PHKA1: variants seen among roughly 807,000 people sequenced by gnomAD.
PHKA1 encodes phosphorylase kinase regulatory subunit alpha 1, also known as phosphorylase b kinase regulatory subunit alpha, skeletal muscle isoform.
PHKA1 carries 60 observed loss-of-function variants against 110.2 expected under a neutral mutation model. The ratio of observed to expected loss-of-function variants is 0.54; its 90% confidence interval spans 0.44 to 0.68. The LOEUF (loss-of-function observed/expected upper bound fraction) is 0.68. PHKA1 is among the 30% of genes least tolerant of loss of function. The pLI, the probability that PHKA1 is intolerant of heterozygous loss-of-function variation, is 0.00. For synonymous variants in PHKA1, 316 were observed against 333.6 expected (o/e 0.95, Z 0.58); for missense variants, 801 against 942.5 (o/e 0.85, Z 1.97).
chrX:72,621,594 C>A lies in PHKA1; in HGVS notation c.1961-693G>T, dbSNP rs139712430. ...AGTTAGAAAAACACACTATTCAGAT[C>A]GATACCAAAGTCTGCTGTATCAGTC... On this transcript the variant is annotated intron_variant, in intron 18 of 31. Coordinates refer to ENST00000373542, the MANE Select transcript of PHKA1 (RefSeq NM_002637.4). Among the ~76,000 whole-genome samples the A allele has an allele frequency of 7.2e-3, 809 of 111,989 alleles. 8 individuals carry two copies. The highest frequency in any genetic ancestry group is 0.025 in the African/African-American group (763 of 30,813).
intron 6 of PHKA1, among the ~76,000 whole-genome samples, chrX:72,675,289 C>T (rs2053765925): frequency 9.1e-6 from 1 of 109,524 alleles, no homozygotes; most frequent in South Asian, 3.9e-4. Flanking sequence ...TCCCTTTGTC[C>T]TCTCTGTTCC....
chrX:72,682,738 A>G (rs1351567140), intron 5 of PHKA1, among the ~76,000 whole-genome samples: 3 of 84,980 alleles, frequency 3.5e-5, no homozygotes, highest in African/African-American at 1.3e-4. Context: ...ATGCTCGTTA[A>G]GAGTCATCAC....
At position 72,713,700 on chromosome X, in the gene PHKA1, A is replaced by ACACC. The variant is rs1227758107; in HGVS notation, c.78+102_78+103insGGTG. The ACACC allele has an allele frequency of 1.2e-3, 734 of 619,072 alleles. 2 individuals are homozygous for ACACC. The highest frequency in any genetic ancestry group is 7.3e-3 in the Middle Eastern group (24 of 3,301). 51.0% of individuals were successfully genotyped at this position (619,072 alleles called of 1,213,427 possible). A position where few individuals can be genotyped will look rare whatever the true frequency, so the allele number is the denominator to read the frequency against. On this transcript the variant is annotated intron_variant, in intron 1 of 31. Transcript: ENST00000373542. ...CACACACACACACACACACACACACACCCACACACGCACGCACGCACGGAG... is the reference window on the plus strand; with the variant it reads ...CACACACACACACACACACACACACACACCCCCACACACGCACGCACGCACGGAG...
chrX:72,655,933 T>C (rs782432369), intron 10 of PHKA1, among the ~76,000 whole-genome samples, 187 bp downstream of exon 10: 16 of 112,624 alleles, frequency 1.4e-4, no homozygotes, highest in Non-Finnish European at 2.1e-4. Flanking sequence ...ACCAAAATTT[T>C]TTTAAAAAGA....
chrX:72,676,184 T>A, intron 5 of PHKA1, 34 bp from the exon 6 acceptor site: 1 of 1,046,477 alleles, frequency 9.6e-7, no homozygotes, highest in East Asian at 3.0e-5. Flanking sequence ...AATTAGCAAG[T>A]CATAACTACT....
chrX:72,592,824 T>A (rs192812741), intron 29 of PHKA1, among the ~76,000 whole-genome samples: 79 of 112,476 alleles, frequency 7.0e-4, no homozygotes, highest in African/African-American at 2.3e-3. Context: ...AGCAAATGTA[T>A]CACAATGTCC....
At chrX:72,652,126 A>G (rs112196937) in intron 12 of PHKA1, among the ~76,000 whole-genome samples, 3 of 112,502 alleles carry the variant, frequency 2.7e-5, no homozygotes, top group African/African-American at 9.7e-5. Flanking sequence ...CTAGTCACTT[A>G]TCATGGCACC....
In PHKA1 at chrX:72,709,186, A is replaced by G. The variant is rs1286367079; in HGVS notation, c.237+3593T>C. Among the ~76,000 whole-genome samples the G allele has an allele frequency of 2.7e-5, 3 of 110,830 alleles. No individual in the cohort carries two copies. The Admixed American group carries it at 2.9e-4, about 11-fold the overall frequency. Reference sequence around the variant, plus strand: ...ATAGTTAAAGTCATGAGAAAAAATGAATGACCACACAAAAAGAACAAAACT... The same window carrying G: ...ATAGTTAAAGTCATGAGAAAAAATGGATGACCACACAAAAAGAACAAAACT... On this transcript the variant is annotated intron_variant, in intron 2 of 31. Coordinates refer to ENST00000373542, the MANE Select transcript of PHKA1 (RefSeq NM_002637.4).
At chrX:72,626,549 GC>G (rs1325845051) in intron 17 of PHKA1, among the ~76,000 whole-genome samples, 8 of 111,005 alleles carry the variant, frequency 7.2e-5, no homozygotes, top group Non-Finnish European at 1.5e-4. Flanking sequence ...GATACAGTTA[GC>G]CCCCGCTTAC....
At chrX:72,680,519 T>A (rs1317214890) in intron 5 of PHKA1, among the ~76,000 whole-genome samples, 1 of 112,806 alleles carries the variant, frequency 8.9e-6, no homozygotes, top group Non-Finnish European at 1.9e-5. Context: ...GAAGATGAAA[T>A]AAAGATTTCT....
chrX:72,676,242 T>C, intron 5 of PHKA1, 92 bp from the exon 6 acceptor site: 1 of 580,314 alleles, frequency 1.7e-6, no homozygotes, highest in Non-Finnish European at 2.9e-6. Context: ...TAAAAGACAC[T>C]AGGAGTAACT....
chrX:72,676,187 T>C (rs1358479623), intron 5 of PHKA1, 37 bp from the exon 6 acceptor site: 14 of 1,046,062 alleles, frequency 1.3e-5, no homozygotes, highest in Non-Finnish European at 1.9e-5. Context: ...TAGCAAGTCA[T>C]AACTACTAAA....
At chrX:72,642,183 G>A (rs781880254) in intron 14 of PHKA1, among the ~76,000 whole-genome samples, 1 of 111,660 alleles carries the variant, frequency 9.0e-6, no homozygotes, top group Non-Finnish European at 1.9e-5. Context: ...TGGAGTCTAG[G>A]TTTTGAAAAA....
intron 2 of PHKA1, among the ~76,000 whole-genome samples, chrX:72,710,825 ATTT>A (rs1339729360): frequency 1.7e-4 from 9 of 53,716 alleles, no homozygotes; most frequent in African/African-American, 2.8e-4. Context: ...TTTATTTTTT[ATTT>A]TTTATTTTTT....
At chrX:72,646,160 G>A (rs2053357269) in intron 13 of PHKA1, among the ~76,000 whole-genome samples, 1 of 111,616 alleles carries the variant, frequency 9.0e-6, no homozygotes, top group Admixed American at 9.5e-5. Flanking sequence ...TTAGAGCATC[G>A]TGAAGGGCAT....
intron 13 of PHKA1, among the ~76,000 whole-genome samples, chrX:72,645,623 A>T (rs1388715643): frequency 8.9e-6 from 1 of 112,234 alleles, no homozygotes; most frequent in Non-Finnish European, 1.9e-5. Flanking sequence ...GGGGCTGAGG[A>T]CAGTCCAGGA....
chrX:72,585,926 G>C (rs2052421723), intron 29 of PHKA1, among the ~76,000 whole-genome samples: 1 of 112,319 alleles, frequency 8.9e-6, no homozygotes, highest in Non-Finnish European at 1.9e-5. Flanking sequence ...TGGGAAGCTT[G>C]AACTGGGTAG....
rs374120982 is a variant in PHKA1 at position 72,612,552 on chromosome X, C to T, written c.2370-1368G>A. Among the ~76,000 whole-genome samples, 14 of 111,817 alleles carry T rather than the reference C, an allele frequency of 1.3e-4. No individual in the cohort carries two copies. In the East Asian group the frequency reaches 2.5e-3, roughly 20 times the overall value. ...ATGCTGTATGCTATGAGGGTACTTG[C>T]CATAGCATTTTTGTGATTGTGAATT... On this transcript the variant is annotated intron_variant, in intron 21 of 31. Coordinates refer to ENST00000373542, the MANE Select transcript of PHKA1 (RefSeq NM_002637.4).
At chrX:72,634,997 G>T (rs924420141) in intron 16 of PHKA1, among the ~76,000 whole-genome samples, 158 bp downstream of exon 16, 2 of 112,596 alleles carry the variant, frequency 1.8e-5, no homozygotes, top group African/African-American at 6.5e-5. Flanking sequence ...TGTGTCCCCA[G>T]TGCTTAGAAA....
Sources: allele counts gnomAD v4.1 joint callset (sites outside exome capture counted in the v4.1 genomes callset), GRCh38; gene constraint gnomAD v4.1.1; transcripts MANE v1.5; gene names NCBI Gene and HGNC (gene_info 2026-07-23, HGNC 2026-07-21).